Variants in IFIH1 observed in about 807,000 individuals in gnomAD.
IFIH1 encodes the protein interferon-induced helicase C domain-containing protein 1.
Under a neutral mutation model 107.4 loss-of-function variants are expected in IFIH1, and 125 were observed. That is an observed-to-expected ratio of 1.16 (90% confidence interval 1.01 to 1.35). IFIH1 has a LOEUF of 1.35. Among genes scored for constraint, IFIH1 ranks in the 40% most tolerant of loss-of-function variants. The pLI is 0.00. For synonymous variants in IFIH1, 458 were observed against 413.2 expected (o/e 1.11, Z -1.31); for missense variants, 1,333 against 1,213.7 (o/e 1.10, Z -1.46).
At chr2:162,282,181 G>A (rs1004278115) in intron 6 of IFIH1, among the ~76,000 whole-genome samples, 185 bp downstream of exon 6, 3 of 151,882 alleles carry the variant, frequency 2.0e-5, no homozygotes. Context: ...TTCTTATGCA[G>A]AATAAAGTGG....
chr2:162,288,465 G>T lies in IFIH1; in HGVS notation c.875-110C>A. 4.4e-6 allele frequency: 3 copies of T among 687,778 alleles called. No individual in the cohort carries two copies. The Admixed American group carries it at 8.3e-5, about 19-fold the overall frequency. The allele number at this position is 687,778 out of a possible 1,614,324, so 42.6% of individuals were successfully genotyped here. ...GTGCTTTAAACTCCTTTTCACATGT[G>T]GTCCAAACCAATTCATTTTCTCTTT... On this transcript the variant is annotated intron_variant, in intron 4 of 15. Transcript: ENST00000649979.
rs1422159059 is a variant in IFIH1, at chr2:162,267,357, T to C, written c.2921A>G (p.His974Arg). Residue 974 changes from histidine (H) to arginine (R), a missense_variant, in exon 16 of 16, where the codon CAC becomes CGC. Coordinates refer to ENST00000649979, the MANE Select transcript of IFIH1 (RefSeq NM_022168.4). Reference protein sequence around the residue: ...CGQAWGTMMVHKGLDLPCLKI... With the variant: ...CGQAWGTMMVRKGLDLPCLKI... ...GAGACAAGGCAAATCTAAGCCTTTG[T>C]GCACCATCATTGTTCCCCAAGCCTG... 10 of 1,613,940 alleles carry C rather than the reference T, an allele frequency of 6.2e-6. No homozygotes were observed. The South Asian group carries it at 9.9e-5, about 16-fold the overall frequency.
At position 162,317,935 on chromosome 2, in the gene IFIH1, G is replaced by C. The variant is rs139219083; in HGVS notation, c.373C>G (p.Leu125Val). 4.5e-5 allele frequency: 73 copies of C among 1,614,146 alleles called. No individual in the cohort carries two copies. Among genetic ancestry groups the C allele is most frequent in the Non-Finnish European group, 5.9e-5 (70 of 1,180,002 alleles). Residue 125 changes from leucine (L) to valine (V), a missense_variant, in exon 1 of 16, where the codon CTG becomes GTG. Leu to Val is a conservative substitution (Grantham distance 32). Coordinates refer to ENST00000649979, the MANE Select transcript of IFIH1 (RefSeq NM_022168.4). ...LQLLNLLQPT[L>V]VDKLLVRDVL... ...TCTCTAACTAGAAGCTTGTCCACCA[G>C]AGTGGGCTGAAGGAGGTTCAGCAGT... is the stretch of plus-strand genomic sequence containing the variant.
At position 162,318,319 on chromosome 2, in the gene IFIH1, A is replaced by G. The variant is rs770119540; in HGVS notation, c.-12T>C. On this transcript the variant is annotated 5_prime_UTR_variant, in exon 1 of 16. Transcript: ENST00000649979. The stretch of plus-strand genomic sequence containing the variant: ...TACCCATTCGACATCTTTCTTTCTC[A>G]GAGAAGGGAGAGGGTTCTCCCAAGC... 1.3e-6 allele frequency: 2 copies of G among 1,598,660 alleles called. No homozygotes were observed. Among genetic ancestry groups the G allele is most frequent in the Non-Finnish European group, 1.7e-6 (2 of 1,168,088 alleles).
rs148412518 is a variant in IFIH1 at position 162,301,331 on chromosome 2, G to A, written c.769+5378C>T. Among the ~76,000 whole-genome samples, 728 of 152,186 alleles carry A rather than the reference G, an allele frequency of 4.8e-3. 10 individuals carry two copies. The highest frequency in any genetic ancestry group is 0.019 in the Admixed American group (288 of 15,286). ...CTACAGTTACATTATAATCTTTCACGCTGAAACAGTGAAATTCCATTGGCT... is the reference window on the plus strand; with the variant it reads ...CTACAGTTACATTATAATCTTTCACACTGAAACAGTGAAATTCCATTGGCT... On this transcript the variant is annotated intron_variant, in intron 3 of 15. Coordinates refer to ENST00000649979, the MANE Select transcript of IFIH1 (RefSeq NM_022168.4).
At chr2:162,316,729 G>C (rs1439426487) in intron 1 of IFIH1, among the ~76,000 whole-genome samples, 2 of 152,132 alleles carry the variant, frequency 1.3e-5, no homozygotes, top group East Asian at 3.8e-4. Flanking sequence ...GGCTTTATTT[G>C]TCTACATGTC....
At chr2:162,273,442 T>A (rs140663813) in intron 12 of IFIH1, among the ~76,000 whole-genome samples, 29 of 152,276 alleles carry the variant, frequency 1.9e-4, no homozygotes, top group African/African-American at 7.0e-4. Flanking sequence ...TGTGGGACAG[T>A]GTACTTTAGA....
chr2:162,268,922 G>A (rs1690980192), intron 13 of IFIH1, among the ~76,000 whole-genome samples: 1 of 152,124 alleles, frequency 6.6e-6, no homozygotes, highest in African/African-American at 2.4e-5. Flanking sequence ...CATAAAATAG[G>A]TCTAAACTTC....
chr2:162,288,393 A>G (rs1205711245), intron 4 of IFIH1, 38 bp from the exon 5 acceptor site: 1 of 1,490,562 alleles, frequency 6.7e-7, no homozygotes, highest in Admixed American at 1.7e-5. Flanking sequence ...AGAAGGGACA[A>G]CAAAATAACA....
In IFIH1 at chr2:162,314,403, CT is replaced by C. The variant is rs1265405197; in HGVS notation, c.453+3451del. The stretch of plus-strand genomic sequence containing the variant: ...CCCTCCCTCCCTCCCTCCCTCCTTT[CT>C]TTCTTTCTTTCTTTTCTTTCTTTCT... On this transcript the variant is annotated intron_variant, in intron 1 of 15. Transcript: ENST00000649979. Among the ~76,000 whole-genome samples the C allele has an allele frequency of 1.3e-3, 82 of 64,812 alleles. 13 individuals carry two copies. The highest frequency in any genetic ancestry group is 6.8e-3 in the African/African-American group (79 of 11,614). The allele number at this position is 64,812 out of a possible 152,430, so 42.5% of individuals were successfully genotyped here. A position where few individuals can be genotyped will look rare whatever the true frequency, so the allele number is the denominator to read the frequency against.
intron 3 of IFIH1, among the ~76,000 whole-genome samples, chr2:162,295,925 C>T (rs909496639): frequency 4.0e-5 from 6 of 151,816 alleles, no homozygotes; most frequent in Non-Finnish European, 7.4e-5. Context: ...GAAATATAGG[C>T]TAAGATTTTT....
At chr2:162,288,011 T>C (rs963206109) in intron 5 of IFIH1, 124 bp downstream of exon 5, 2 of 635,618 alleles carry the variant, frequency 3.1e-6, no homozygotes, top group African/African-American at 3.7e-5. Context: ...AATAAAGAGC[T>C]TATTTTGACA....
chr2:162,303,611 T>C (rs377689869), intron 3 of IFIH1, among the ~76,000 whole-genome samples: 1 of 146,052 alleles, frequency 6.8e-6, no homozygotes, highest in East Asian at 2.0e-4. Flanking sequence ...GAAGTTAGGG[T>C]GAAAGGAAGG....
intron 13 of IFIH1, among the ~76,000 whole-genome samples, chr2:162,269,667 G>A (rs893168690): frequency 4.6e-5 from 7 of 152,086 alleles, no homozygotes; most frequent in Admixed American, 4.6e-4. Context: ...ATTAAATTAT[G>A]GAAGAATTAA....
intron 4 of IFIH1, among the ~76,000 whole-genome samples, chr2:162,291,895 T>C (rs1017707058): frequency 5.9e-5 from 9 of 151,884 alleles, no homozygotes; most frequent in African/African-American, 1.9e-4. Flanking sequence ...TCCTAAGTAC[T>C]GATCCATCTA....
chr2:162,311,938 T>A (rs763887347), intron 1 of IFIH1, among the ~76,000 whole-genome samples: 1 of 152,148 alleles, frequency 6.6e-6, no homozygotes, highest in East Asian at 1.9e-4. Flanking sequence ...CCCTAAAAGA[T>A]TATGATTTAT....
chr2:162,301,779 G>A (rs1683197717), intron 3 of IFIH1, among the ~76,000 whole-genome samples: 1 of 152,068 alleles, frequency 6.6e-6, no homozygotes, highest in Non-Finnish European at 1.5e-5. Flanking sequence ...ATGTTTCCTA[G>A]GGAAATCTGA....
In IFIH1 at chr2:162,278,215, C is replaced by A; in HGVS notation, c.1755G>T (p.Met585Ile). The A allele has an allele frequency of 6.3e-7, 1 of 1,597,310 alleles. No individual in the cohort carries two copies. The highest frequency in any genetic ancestry group is 8.5e-7 in the Non-Finnish European group (1 of 1,175,108). Residue 585 changes from methionine to isoleucine, a missense_variant, in exon 9 of 16, where the codon ATG (methionine) becomes ATT (isoleucine). Coordinates refer to ENST00000649979, the MANE Select transcript of IFIH1 (RefSeq NM_022168.4). ...CCAAACCTAAATTACCTTTTTTTTC[C>A]ATTTGAATGGCCCATTGTTCATAGG... ...TQPYEQWAIQ[M>I]EKKAAKEGNR... is the part of the protein sequence containing the mutation.
intron 1 of IFIH1, among the ~76,000 whole-genome samples, chr2:162,311,179 C>T (rs1040398861): frequency 2.0e-5 from 3 of 152,010 alleles, no homozygotes; most frequent in East Asian, 1.9e-4. Context: ...AAATATGAAC[C>T]ATTTTTTTTA....
Sources: allele counts gnomAD v4.1 joint callset (sites outside exome capture counted in the v4.1 genomes callset), GRCh38; gene constraint gnomAD v4.1.1; transcripts MANE v1.5; gene names NCBI Gene and HGNC (gene_info 2026-07-23, HGNC 2026-07-21).